CACNB4: variants seen among roughly 807,000 people sequenced by gnomAD.
CACNB4 encodes voltage-dependent L-type calcium channel subunit beta-4.
In CACNB4, 32 loss-of-function variants were observed where a neutral mutation model predicts 71.2. The observed-to-expected ratio is 0.45, with a 90% confidence interval of 0.34 to 0.60. The LOEUF (loss-of-function observed/expected upper bound fraction) is 0.60, where lower values mean the gene tolerates loss of function less well. CACNB4 is among the 20% of genes least tolerant of loss of function. CACNB4 has a pLI of 0.01. For missense variants in CACNB4, 464 were observed against 647.9 expected (o/e 0.72, Z 3.08); for synonymous variants, 231 against 236.9 (o/e 0.97, Z 0.23).
At chr2:151,988,748 A>G (rs916319595) in intron 2 of CACNB4, among the ~76,000 whole-genome samples, 21 of 152,058 alleles carry the variant, frequency 1.4e-4, no homozygotes, top group African/African-American at 3.4e-4. Flanking sequence ...CACTAATCCC[A>G]TCATGGGGGC....
rs552239088 is a variant in CACNB4 at position 151,902,077 on chromosome 2, C to G, written c.148-18707G>C. The stretch of plus-strand genomic sequence containing the variant: ...TTTGACAAGATCTTGCTCTGTCACC[C>G]AGGCTGGAGAGCAGTGGCACGATCA... On this transcript the variant is annotated intron_variant, in intron 2 of 13. Transcript: ENST00000539935. Among the ~76,000 whole-genome samples, 10 of 149,770 alleles carry G rather than the reference C, an allele frequency of 6.7e-5. No individual in the cohort carries two copies. The East Asian group carries it at 2.0e-3, about 29-fold the overall frequency.
At chr2:151,919,638 A>G (rs960055645) in intron 2 of CACNB4, among the ~76,000 whole-genome samples, 1 of 152,060 alleles carries the variant, frequency 6.6e-6, no homozygotes, top group East Asian at 1.9e-4. Flanking sequence ...TCAAATGTCT[A>G]CTTAGGCTCC....
chr2:152,062,243 A>G (rs1579224362), intron 2 of CACNB4, among the ~76,000 whole-genome samples: 1 of 151,126 alleles, frequency 6.6e-6, no homozygotes, highest in South Asian at 2.1e-4. Context: ...CAACAGATAG[A>G]AAAAAAAACT....
Position 151,995,270 on chromosome 2 carries a change from GC to G in CACNB4, c.147+103059del, listed in dbSNP as rs1681978081. Among the ~76,000 whole-genome samples the G allele has an allele frequency of 2.8e-5, 4 of 143,254 alleles. No individual in the cohort carries two copies. In the South Asian group the frequency reaches 8.6e-4, roughly 31 times the overall value. The allele number at this position is 143,254 out of a possible 152,430, so 94.0% of individuals were successfully genotyped here. The stretch of plus-strand genomic sequence containing the variant: ...AAATGTACCTCAAAAACACTCCCAG[GC>G]CATAACAATAAACCACAAGGCCAAA... On this transcript the variant is annotated intron_variant, in intron 2 of 13. Coordinates refer to ENST00000539935, the MANE Select transcript of CACNB4 (RefSeq NM_000726.5).
chr2:152,041,746 T>C (rs780650304), intron 2 of CACNB4, among the ~76,000 whole-genome samples: 1 of 152,220 alleles, frequency 6.6e-6, no homozygotes, highest in Non-Finnish European at 1.5e-5. Context: ...ATGACTTCTC[T>C]TTCTTCTTCC....
In CACNB4 at chr2:151,834,845, A is replaced by G. The variant is rs2099834550; in HGVS notation, c.*4274T>C. 1 of 151,968 alleles carries G rather than the reference A, an allele frequency of 6.6e-6. No homozygotes were observed. Among genetic ancestry groups the G allele is most frequent in the Non-Finnish European group, 1.5e-5 (1 of 67,828 alleles). 9.4% of individuals were successfully genotyped at this position (151,968 alleles called of 1,614,324 possible). ...ACTAATAAAACAGATTTTATTACAT[A>G]ATTTCCTATAAATTTTTCATTCATA... On this transcript the variant is annotated 3_prime_UTR_variant, in exon 14 of 14. Coordinates refer to ENST00000539935, the MANE Select transcript of CACNB4 (RefSeq NM_000726.5).
chr2:151,968,154 A>G (rs114075953), intron 2 of CACNB4: 3 of 152,172 alleles, frequency 2.0e-5, no homozygotes, highest in Non-Finnish European at 4.4e-5. Context: ...GGTTTTACAC[A>G]CTAAGTTGTT....
chr2:152,093,609 T>C (rs1020281694), intron 2 of CACNB4, among the ~76,000 whole-genome samples: 1 of 152,150 alleles, frequency 6.6e-6, no homozygotes, highest in Non-Finnish European at 1.5e-5. Flanking sequence ...GCTTCAGCCT[T>C]CACTTCTTGG....
rs191106280 is a variant in CACNB4 at position 151,970,571 on chromosome 2, G to A, written c.148-87201C>T. On this transcript the variant is annotated intron_variant, in intron 2 of 13. Coordinates refer to ENST00000539935, the MANE Select transcript of CACNB4 (RefSeq NM_000726.5). ...AAATCAGATGAAAACACATAGTATA[G>A]TGTACATGGGGGGCTCAGTCCATGA... is the stretch of plus-strand genomic sequence containing the variant. The A allele has an allele frequency of 1.4e-4, 22 of 152,158 alleles. No homozygotes were observed. In the East Asian group the frequency reaches 2.9e-3, roughly 20 times the overall value. 9.4% of individuals were successfully genotyped at this position (152,158 alleles called of 1,614,324 possible).
Position 151,887,946 on chromosome 2 carries a change from C to CT in CACNB4, c.148-4577dup, listed in dbSNP as rs559227820. On this transcript the variant is annotated intron_variant, in intron 2 of 13. Coordinates refer to ENST00000539935, the MANE Select transcript of CACNB4 (RefSeq NM_000726.5). ...AGAGTTTTAGGATTTATATATTGTT[C>CT]TTTTTTTAAAAAAATGGCTTTATTG... Among the ~76,000 whole-genome samples, 11 of 151,582 alleles carry CT rather than the reference C, an allele frequency of 7.3e-5. No individual in the cohort carries two copies. The South Asian group carries it at 1.9e-3, about 26-fold the overall frequency.
At chr2:152,061,241 G>A (rs1257560314) in intron 2 of CACNB4, among the ~76,000 whole-genome samples, 2 of 152,134 alleles carry the variant, frequency 1.3e-5, no homozygotes, top group African/African-American at 4.8e-5. Context: ...GAGCCCAGGG[G>A]TTGGAGGTTG....
chr2:151,957,258 G>GTGTATGTGTGTGTGTGTGTGTGTA (rs752475672), intron 2 of CACNB4, among the ~76,000 whole-genome samples: 1 of 6,436 alleles, frequency 1.6e-4, no homozygotes, highest in Non-Finnish European at 3.9e-4. Context: ...GTGGCTGGGC[G>GTGTATGTGTGTGTGTGTGTGTGTA]TGTGTGTGTG....
intron 2 of CACNB4, among the ~76,000 whole-genome samples, chr2:151,945,611 A>G (rs1293645661): frequency 6.6e-6 from 1 of 152,190 alleles, no homozygotes; most frequent in South Asian, 2.1e-4. Context: ...TGATTGCACC[A>G]CCACACTCCA....
At chr2:151,957,379 G>A (rs933107344) in intron 2 of CACNB4, among the ~76,000 whole-genome samples, 1 of 150,856 alleles carries the variant, frequency 6.6e-6, no homozygotes, top group Non-Finnish European at 1.5e-5. Context: ...ATTCCTGGAG[G>A]AATTAAAGTT....
chr2:152,065,181 G>A lies in CACNB4; in HGVS notation c.147+33149C>T, dbSNP rs1391975430. On this transcript the variant is annotated intron_variant, in intron 2 of 13. Transcript: ENST00000539935. Reference sequence around the variant, plus strand: ...GCAGATCATTTGAGGTCAGGAGTTCGATACCAGCCTAGCTAACATGGTGAA... The same window carrying A: ...GCAGATCATTTGAGGTCAGGAGTTCAATACCAGCCTAGCTAACATGGTGAA... 3.3e-5 allele frequency among the ~76,000 whole-genome samples: 5 copies of A among 152,166 alleles called. No individual in the cohort carries two copies. The South Asian group carries it at 6.2e-4, about 19-fold the overall frequency.
chr2:151,850,141 C>CTTTCTTTTTTTTTTTTT (rs1553744905), intron 12 of CACNB4: 3 of 98,160 alleles, frequency 3.1e-5, no homozygotes, highest in South Asian at 4.0e-4. Context: ...TTCTTTCTTT[C>CTTTCTTTTTTTTTTTTT]TTTTTTTTTT....
chr2:152,001,016 A>G (rs989043087), intron 2 of CACNB4, among the ~76,000 whole-genome samples: 2 of 152,188 alleles, frequency 1.3e-5, no homozygotes, highest in Non-Finnish European at 2.9e-5. Context: ...CATACCAGAC[A>G]CCATGCTAAG....
intron 2 of CACNB4, among the ~76,000 whole-genome samples, chr2:152,056,086 G>C (rs1179529197): frequency 6.6e-6 from 1 of 152,142 alleles, no homozygotes; most frequent in Non-Finnish European, 1.5e-5. Context: ...TTTTCGGCTG[G>C]GCACGGTGGC....
rs1368093010 is a variant in CACNB4, at chr2:151,862,136, A to T, written c.759-1316T>A. ...CCTTTTATACTCAGTTAGTACACCC[A>T]TTCTCTTCTGTTTTCAAACTCTTTG... On this transcript the variant is annotated intron_variant, in intron 9 of 13. Coordinates refer to ENST00000539935, the MANE Select transcript of CACNB4 (RefSeq NM_000726.5). 2.6e-5 allele frequency among the ~76,000 whole-genome samples: 4 copies of T among 152,110 alleles called. No individual in the cohort carries two copies. In the East Asian group the frequency reaches 7.7e-4, roughly 29 times the overall value.
Sources: gnomAD v4.1 joint callset for allele counts (sites outside exome capture counted in the v4.1 genomes callset) on GRCh38, gnomAD v4.1.1 for gene constraint, MANE v1.5 for transcripts, NCBI Gene and HGNC (gene_info 2026-07-23, HGNC 2026-07-21) for gene names.